Variants in CDH26 observed in about 807,000 individuals in gnomAD.
CDH26 encodes cadherin 26, also known as cadherin-like protein 26.
CDH26 carries 83 observed loss-of-function variants against 90.3 expected under a neutral mutation model. The observed-to-expected ratio is 0.92, with a 90% confidence interval of 0.77 to 1.10. CDH26 has a LOEUF of 1.10. CDH26 is among the 50% of genes least tolerant of loss of function. The pLI, the probability that CDH26 is intolerant of heterozygous loss-of-function variation, is 0.00. For synonymous variants in CDH26, 397 were observed against 396.3 expected, an observed-to-expected ratio of 1.00 and a Z score of -0.02; for missense variants, 1,013 against 1,037.6, an observed-to-expected ratio of 0.98 and a Z score of 0.33.
chr20:59,991,741 G>C (rs1044497391), intron 9 of CDH26, among the ~76,000 whole-genome samples: 1 of 152,322 alleles, frequency 6.6e-6, no homozygotes, highest in Non-Finnish European at 1.5e-5. Context: ...GTTGTTGTTT[G>C]CCTGAGTCCA....
intron 16 of CDH26, among the ~76,000 whole-genome samples, chr20:60,003,106 T>G (rs1410244108): frequency 6.6e-6 from 1 of 152,232 alleles, no homozygotes; most frequent in Non-Finnish European, 1.5e-5. Context: ...TTTCTTTTGC[T>G]GTTGAGTTGC....
At chr20:59,980,703 A>T (rs79905120) in intron 4 of CDH26, among the ~76,000 whole-genome samples, 2 of 152,138 alleles carry the variant, frequency 1.3e-5, no homozygotes, top group African/African-American at 4.8e-5. Context: ...TTGTCTTCTC[A>T]TTCTTACCTT....
At chr20:59,971,191 C>A (rs1444100256) in intron 3 of CDH26, among the ~76,000 whole-genome samples, 1 of 152,044 alleles carries the variant, frequency 6.6e-6, no homozygotes, top group African/African-American at 2.4e-5. Flanking sequence ...ATAGTGCACG[C>A]CTACTGTTAA....
intron 1 of CDH26, among the ~76,000 whole-genome samples, chr20:59,966,824 T>G (rs1474496303): frequency 6.6e-6 from 1 of 152,184 alleles, no homozygotes; most frequent in Non-Finnish European, 1.5e-5. Context: ...TTTTTGGTAA[T>G]GAAAAACTGG....
intron 16 of CDH26, among the ~76,000 whole-genome samples, chr20:60,004,757 C>T (rs1190875437): frequency 7.9e-5 from 10 of 126,382 alleles, no homozygotes; most frequent in Non-Finnish European, 1.6e-4. Flanking sequence ...CAGAGCGAGA[C>T]TCCATCTCAA....
At chr20:59,996,783 T>C in intron 13 of CDH26, 22 bp downstream of exon 13, 1 of 1,614,114 alleles carries the variant, frequency 6.2e-7, no homozygotes, top group South Asian at 1.1e-5. Flanking sequence ...TCATGCTTTG[T>C]GTCTTATGGC....
intron 7 of CDH26, among the ~76,000 whole-genome samples, chr20:60,021,849 TAC>T (rs757813328): frequency 0.062 from 2,648 of 42,534 alleles, 178 homozygotes; most frequent in Middle Eastern, 0.12. Context: ...TCCTTATCTG[TAC>T]ACACACACAC....
At chr20:59,979,273 A>G (rs1250489022) in intron 4 of CDH26, among the ~76,000 whole-genome samples, 1 of 142,514 alleles carries the variant, frequency 7.0e-6, no homozygotes, top group Non-Finnish European at 1.5e-5. Flanking sequence ...ATCTTTGCTC[A>G]CTGCAACCTC....
At chr20:59,994,551 ATTTAGGC>A in intron 11 of CDH26, 62 bp downstream of exon 11, 22 of 1,587,704 alleles carry the variant, frequency 1.4e-5, no homozygotes, top group Admixed American at 1.2e-4. Flanking sequence ...ATTCAAACAG[ATTTAGGC>A]AAAAAAGGAC....
At chr20:59,997,392 T>C (rs1386269415) in intron 13 of CDH26, among the ~76,000 whole-genome samples, 1 of 152,282 alleles carries the variant, frequency 6.6e-6, no homozygotes, top group Non-Finnish European at 1.5e-5. Context: ...CATTTAACCC[T>C]ACATCCTCAT....
At chr20:60,001,313 CTT>C (rs759044784) in intron 14 of CDH26, 28 bp from the exon 15 acceptor site, 17 of 1,613,458 alleles carry the variant, frequency 1.1e-5, no homozygotes, top group Non-Finnish European at 1.4e-5. Context: ...AATCCATTCT[CTT>C]TTGAGTAAAT....
At chr20:59,999,558 G>T (rs1284813442) in intron 13 of CDH26, 28 bp from the exon 14 acceptor site, 1 of 1,591,756 alleles carries the variant, frequency 6.3e-7, no homozygotes. Flanking sequence ...TTCAGCCCTT[G>T]TCATATTTCT....
At chr20:59,967,853 CTTTCTTTCTT>C (rs1348806027) in intron 1 of CDH26, among the ~76,000 whole-genome samples, 3 of 100,128 alleles carry the variant, frequency 3.0e-5, no homozygotes, top group African/African-American at 5.5e-5. Flanking sequence ...TTCTTTCTTT[CTTTCTTTCTT>C]TCTTTCTTTC....
intron 7 of CDH26, among the ~76,000 whole-genome samples, chr20:60,028,756 T>C (rs2062017743): frequency 6.6e-6 from 1 of 152,212 alleles, no homozygotes; most frequent in African/African-American, 2.4e-5. Flanking sequence ...GTACTGCTGC[T>C]GTGACAAATA....
intron 7 of CDH26, among the ~76,000 whole-genome samples, chr20:60,019,951 T>C (rs1468906708): frequency 1.3e-5 from 2 of 152,160 alleles, no homozygotes; most frequent in African/African-American, 2.4e-5. Flanking sequence ...AGTCTCTATG[T>C]AGTGTCTTCA....
chr20:59,989,549 AAAAAG>A (rs2061503189), intron 9 of CDH26, among the ~76,000 whole-genome samples: 1 of 151,634 alleles, frequency 6.6e-6, no homozygotes, highest in Non-Finnish European at 1.5e-5. Flanking sequence ...AAAAAAAAAA[AAAAAG>A]AAAAGAAAAC....
intron 7 of CDH26, among the ~76,000 whole-genome samples, chr20:60,026,783 C>T (rs933548930): frequency 9.9e-5 from 15 of 152,222 alleles, no homozygotes; most frequent in Non-Finnish European, 1.5e-4. Flanking sequence ...TTCTGACCTA[C>T]AGACCCTGTA....
chr20:59,966,158 A>C (rs763563769), intron 1 of CDH26, among the ~76,000 whole-genome samples: 4 of 150,936 alleles, frequency 2.7e-5, no homozygotes, highest in Non-Finnish European at 5.9e-5. Context: ...TCATCAAGGA[A>C]CCGTATATCA....
chr20:60,031,846 A>G (rs2062041850), intron 8 of CDH26, among the ~76,000 whole-genome samples: 1 of 152,170 alleles, frequency 6.6e-6, no homozygotes, highest in Non-Finnish European at 1.5e-5. Flanking sequence ...TTGGAAGCCT[A>G]TGGACTTCAT....
Sources: allele counts gnomAD v4.1 joint callset (sites outside exome capture counted in the v4.1 genomes callset), GRCh38; gene constraint gnomAD v4.1.1; transcripts MANE v1.5; gene names NCBI Gene and HGNC (gene_info 2026-07-23, HGNC 2026-07-21).